The following PRKN variants were observed in gnomAD, a reference collection of about 807,000 sequenced individuals.
PRKN encodes the protein parkin RBR E3 ubiquitin protein ligase.
In PRKN, 56 loss-of-function variants were observed where a neutral mutation model predicts 59.5. That is an observed-to-expected ratio of 0.94 (90% CI 0.76 to 1.18). PRKN has a LOEUF of 1.18. PRKN is among the 50% of genes most tolerant of loss of function. The pLI is 0.00. For missense variants in PRKN, 657 were observed against 596.4 expected (o/e 1.10, Z -1.06); for synonymous variants, 250 against 222.1 (o/e 1.13, Z -1.12).
chr6:162,091,948 A>T (rs1296731489), intron 4 of PRKN, among the ~76,000 whole-genome samples: 1 of 152,084 alleles, frequency 6.6e-6, no homozygotes, highest in African/African-American at 2.4e-5. Context: ...AGGTGGGAGG[A>T]TCCATTGAGC....
At chr6:161,886,417 C>T (rs1795148803) in intron 6 of PRKN, among the ~76,000 whole-genome samples, 1 of 152,144 alleles carries the variant, frequency 6.6e-6, no homozygotes, top group African/African-American at 2.4e-5. Context: ...ATTTAATAGG[C>T]TGGGTGCAGT....
At chr6:161,729,072 A>G (rs1419118515) in intron 7 of PRKN, among the ~76,000 whole-genome samples, 2 of 152,220 alleles carry the variant, frequency 1.3e-5, no homozygotes, top group Non-Finnish European at 2.9e-5. Context: ...TTAACATACA[A>G]CAATTATTCT....
chr6:162,009,696 G>A (rs1274157384), intron 5 of PRKN, among the ~76,000 whole-genome samples: 1 of 151,850 alleles, frequency 6.6e-6, no homozygotes, highest in Non-Finnish European at 1.5e-5. Flanking sequence ...AGCACTTTGG[G>A]AAGCTGAGGC....
intron 7 of PRKN, among the ~76,000 whole-genome samples, chr6:161,785,364 T>C (rs1324519341): frequency 1.3e-5 from 2 of 152,224 alleles, no homozygotes; most frequent in African/African-American, 4.8e-5. Flanking sequence ...TGCTTTCTTT[T>C]TCACATATGT....
chr6:162,269,227 C>T (rs1445680374), intron 2 of PRKN, among the ~76,000 whole-genome samples: 1 of 152,178 alleles, frequency 6.6e-6, no homozygotes, highest in Non-Finnish European at 1.5e-5. Context: ...GCGTTGCTCT[C>T]TGTTACCAGA....
intron 9 of PRKN, among the ~76,000 whole-genome samples, chr6:161,465,851 T>A (rs1028922529): frequency 6.6e-6 from 1 of 152,198 alleles, no homozygotes; most frequent in Non-Finnish European, 1.5e-5. Flanking sequence ...AATTACACAG[T>A]GTTTGATATT....
chr6:161,532,699 T>C (rs1227872581), intron 9 of PRKN, among the ~76,000 whole-genome samples: 1 of 152,126 alleles, frequency 6.6e-6, no homozygotes, highest in African/African-American at 2.4e-5. Context: ...GCCCACGTGG[T>C]AATATGGCTG....
chr6:162,065,520 C>T (rs1448752813), intron 4 of PRKN, among the ~76,000 whole-genome samples: 2 of 152,062 alleles, frequency 1.3e-5, no homozygotes, highest in Non-Finnish European at 2.9e-5. Flanking sequence ...GCAACACCCT[C>T]ACAGACATGC....
intron 6 of PRKN, among the ~76,000 whole-genome samples, chr6:161,816,310 T>C (rs2128214864): frequency 6.6e-6 from 1 of 151,864 alleles, no homozygotes; most frequent in Non-Finnish European, 1.5e-5. Context: ...GTAACTAATC[T>C]ATGGGGACAG....
At chr6:162,119,639 C>T (rs73783417) in intron 4 of PRKN, among the ~76,000 whole-genome samples, 3,252 of 152,188 alleles carry the variant, frequency 0.021, 91 homozygotes, top group African/African-American at 0.071. Flanking sequence ...TTCCCCTCCT[C>T]TGGCTTCTTT....
At chr6:161,685,445 T>A (rs1239450043) in intron 7 of PRKN, among the ~76,000 whole-genome samples, 1 of 152,230 alleles carries the variant, frequency 6.6e-6, no homozygotes, top group African/African-American at 2.4e-5. Flanking sequence ...TTCTTATTAG[T>A]AATGACCCAC....
intron 9 of PRKN, among the ~76,000 whole-genome samples, chr6:161,408,837 T>A (rs1369206502): frequency 6.6e-6 from 1 of 152,156 alleles, no homozygotes; most frequent in Non-Finnish European, 1.5e-5. Context: ...GCCAATGAAA[T>A]CTTATCTAAA....
At chr6:162,069,828 T>G (rs1778498876) in intron 4 of PRKN, among the ~76,000 whole-genome samples, 1 of 152,208 alleles carries the variant, frequency 6.6e-6, no homozygotes, top group Non-Finnish European at 1.5e-5. Flanking sequence ...CTTATTAATA[T>G]TTTTCATTTC....
At chr6:162,010,549 T>A (rs367817132) in intron 5 of PRKN, among the ~76,000 whole-genome samples, 123 of 6,606 alleles carry the variant, frequency 0.019, 23 homozygotes, top group African/African-American at 0.023. Context: ...TGTATTATAT[T>A]ATATATTATA....
At chr6:161,517,309 T>C (rs997731557) in intron 9 of PRKN, among the ~76,000 whole-genome samples, 1 of 152,134 alleles carries the variant, frequency 6.6e-6, no homozygotes, top group African/African-American at 2.4e-5. Flanking sequence ...TAAGTCAACC[T>C]AGAATCACCA....
chr6:162,125,925 C>T (rs1217724808), intron 4 of PRKN, among the ~76,000 whole-genome samples: 1 of 152,118 alleles, frequency 6.6e-6, no homozygotes, highest in Non-Finnish European at 1.5e-5. Flanking sequence ...AGAGATATTA[C>T]CTGCTACGAA....
intron 1 of PRKN, among the ~76,000 whole-genome samples, chr6:162,671,688 A>G (rs947763697): frequency 2.0e-5 from 3 of 152,048 alleles, no homozygotes; most frequent in Admixed American, 1.3e-4. Context: ...TCTGCTGTGT[A>G]CTTCTCACTA....
chr6:162,614,038 T>A (rs1354475818), intron 1 of PRKN, among the ~76,000 whole-genome samples: 1 of 152,152 alleles, frequency 6.6e-6, no homozygotes, highest in Non-Finnish European at 1.5e-5. Flanking sequence ...TGACAATTAT[T>A]TAAGAATTCT....
At chr6:162,223,749 G>C (rs1423250530) in intron 3 of PRKN, among the ~76,000 whole-genome samples, 1 of 151,028 alleles carries the variant, frequency 6.6e-6, no homozygotes, top group Non-Finnish European at 1.5e-5. Context: ...TTATGTCCTG[G>C]TTTTTCCCCC....
Sources: allele counts gnomAD v4.1 joint callset (sites outside exome capture counted in the v4.1 genomes callset), GRCh38; gene constraint gnomAD v4.1.1; transcripts MANE v1.5; gene names NCBI Gene and HGNC (gene_info 2026-07-23, HGNC 2026-07-21).